ZNF365: variants seen among roughly 807,000 people sequenced by gnomAD.
ZNF365 encodes the protein protein ZNF365.
ZNF365 carries 22 observed loss-of-function variants against 35.0 expected under a neutral mutation model. That is an observed-to-expected ratio of 0.63 (90% CI 0.45 to 0.90). The LOEUF is 0.90. ZNF365 is among the 40% of genes least tolerant of loss of function. ZNF365 has a pLI of 0.00. For synonymous variants in ZNF365, 188 were observed against 196.2 expected (o/e 0.96, Z 0.35); for missense variants, 448 against 500.3 (o/e 0.90, Z 1.00).
intron 3 of ZNF365, among the ~76,000 whole-genome samples, chr10:62,446,498 A>G (rs961333503): frequency 6.6e-6 from 1 of 152,248 alleles, no homozygotes; most frequent in African/African-American, 2.4e-5. Flanking sequence ...TTCTGGATAC[A>G]TGCTAGCTGA....
At chr10:62,409,688 A>G (rs1268810765) in intron 3 of ZNF365, among the ~76,000 whole-genome samples, 3 of 152,134 alleles carry the variant, frequency 2.0e-5, no homozygotes, top group African/African-American at 7.2e-5. Flanking sequence ...CAGAATAATC[A>G]GTTTGGCTCA....
Position 62,376,186 on chromosome 10 carries a change from T to C in ZNF365, c.-8T>C. The C allele has an allele frequency of 6.2e-7, 1 of 1,613,806 alleles. No individual in the cohort carries two copies. The highest frequency in any genetic ancestry group is 8.5e-7 in the Non-Finnish European group (1 of 1,179,858). On this transcript the variant is annotated 5_prime_UTR_variant, in exon 2 of 5. Coordinates refer to ENST00000395254, the MANE Select transcript of ZNF365 (RefSeq NM_014951.3). ...ACCTATTTCCCCCCTCCCAGGACTT[T>C]TAGAGTAATGCAACAGAAGGCTTTT...
At chr10:62,434,226 G>A (rs1228064337) in intron 3 of ZNF365, among the ~76,000 whole-genome samples, 1 of 152,160 alleles carries the variant, frequency 6.6e-6, no homozygotes, top group Non-Finnish European at 1.5e-5. Flanking sequence ...TAATCAGTAA[G>A]ATATGCTTCG....
At chr10:62,389,751 G>A (rs1839594034) in intron 3 of ZNF365, among the ~76,000 whole-genome samples, 1 of 152,218 alleles carries the variant, frequency 6.6e-6, no homozygotes, top group Non-Finnish European at 1.5e-5. Context: ...CTTGGCCTTA[G>A]CGCAGCTCAG....
At chr10:62,448,437 C>G (rs1840625401) in intron 3 of ZNF365, among the ~76,000 whole-genome samples, 1 of 152,136 alleles carries the variant, frequency 6.6e-6, no homozygotes, top group South Asian at 2.1e-4. Context: ...AATGTGGAGG[C>G]AGAGCTGAGA....
At chr10:62,420,307 G>A (rs186102303) in intron 3 of ZNF365, among the ~76,000 whole-genome samples, 1 of 152,264 alleles carries the variant, frequency 6.6e-6, no homozygotes, top group Admixed American at 6.5e-5. Flanking sequence ...GAACATGCTT[G>A]TAAAAACATT....
At chr10:62,444,062 A>G (rs372624844) in intron 3 of ZNF365, among the ~76,000 whole-genome samples, 22 of 152,178 alleles carry the variant, frequency 1.4e-4, no homozygotes, top group African/African-American at 4.8e-4. Flanking sequence ...CTGCTCTTAG[A>G]CTTGGCATCT....
chr10:62,437,571 C>CA (rs750395617), intron 3 of ZNF365, among the ~76,000 whole-genome samples: 9 of 152,186 alleles, frequency 5.9e-5, no homozygotes, highest in Non-Finnish European at 1.2e-4. Context: ...ATTTACATCT[C>CA]ATGTTATGTT....
intron 3 of ZNF365, among the ~76,000 whole-genome samples, chr10:62,408,404 G>T (rs1188712454): frequency 6.6e-6 from 1 of 152,116 alleles, no homozygotes; most frequent in Non-Finnish European, 1.5e-5. Flanking sequence ...CTATCTAATA[G>T]AAACAGATAG....
At chr10:62,454,984 T>C (rs1840740019) in intron 3 of ZNF365, among the ~76,000 whole-genome samples, 2 of 152,064 alleles carry the variant, frequency 1.3e-5, no homozygotes, top group Non-Finnish European at 2.9e-5. Context: ...GGAGAAGGGG[T>C]AGAAGAATGT....
At chr10:62,454,496 G>C (rs985954354) in intron 3 of ZNF365, among the ~76,000 whole-genome samples, 10 of 152,104 alleles carry the variant, frequency 6.6e-5, no homozygotes, top group African/African-American at 2.4e-4. Flanking sequence ...ATTTATTTTG[G>C]TCTAAAATGC....
At chr10:62,418,349 G>A (rs1216914949) in intron 3 of ZNF365, among the ~76,000 whole-genome samples, 3 of 151,954 alleles carry the variant, frequency 2.0e-5, no homozygotes, top group African/African-American at 4.8e-5. Flanking sequence ...ATAAAAACAG[G>A]TTTGGAGTTT....
rs1304441605 is a variant in ZNF365, at chr10:62,376,372, C to A, written c.179C>A (p.Thr60Lys). Residue 60 changes from threonine to lysine, a missense_variant, in exon 2 of 5, where the codon ACA becomes AAA. Physicochemically the swap from Thr to Lys is moderately conservative, Grantham distance 78 (BLOSUM62 -1). Coordinates refer to ENST00000395254, the MANE Select transcript of ZNF365 (RefSeq NM_014951.3). ...AGCTACGAAGAAAGAACCCTCTTGA[C>A]AAAATGCAGTCTCTTTCCATCCCTC... ...SHSYEERTLLTKCSLFPSLKD... is the reference protein window; with the variant it reads ...SHSYEERTLLKKCSLFPSLKD... The A allele has an allele frequency of 6.2e-7, 1 of 1,613,986 alleles. No homozygotes were observed. Among genetic ancestry groups the A allele is most frequent in the Non-Finnish European group, 8.5e-7 (1 of 1,179,980 alleles).
chr10:62,416,160 G>A (rs1840071020), intron 3 of ZNF365, among the ~76,000 whole-genome samples: 2 of 151,662 alleles, frequency 1.3e-5, no homozygotes, highest in Admixed American at 6.6e-5. Context: ...TCTGAGCTGT[G>A]CAAATCTCTT....
At chr10:62,397,178 G>A (rs1839742407) in intron 3 of ZNF365, among the ~76,000 whole-genome samples, 1 of 152,164 alleles carries the variant, frequency 6.6e-6, no homozygotes, top group Admixed American at 6.5e-5. Flanking sequence ...GCCAAACCTA[G>A]CCTGCATGAG....
At chr10:62,434,401 G>A (rs531279317) in intron 3 of ZNF365, among the ~76,000 whole-genome samples, 1 of 152,192 alleles carries the variant, frequency 6.6e-6, no homozygotes, top group South Asian at 2.1e-4. Flanking sequence ...AAACGTTTGT[G>A]GGTATACTTA....
chr10:62,398,698 C>T (rs1446460626), intron 3 of ZNF365, 42 bp from the exon 4 acceptor site: 38 of 1,588,512 alleles, frequency 2.4e-5, no homozygotes, highest in Non-Finnish European at 3.1e-5. Flanking sequence ...AAATCCAGTC[C>T]TCAAATGCAG....
intron 4 of ZNF365, among the ~76,000 whole-genome samples, chr10:62,468,712 T>G (rs1840984595): frequency 6.6e-6 from 1 of 152,210 alleles, no homozygotes; most frequent in African/African-American, 2.4e-5. Context: ...CACATCAATT[T>G]GTGAGGAAAA....
intron 3 of ZNF365, among the ~76,000 whole-genome samples, chr10:62,424,723 C>A (rs144792828): frequency 8.2e-4 from 125 of 152,268 alleles, no homozygotes; most frequent in African/African-American, 2.8e-3. Flanking sequence ...TACTGGTAGC[C>A]AAGATGCTTT....
Sources: allele counts gnomAD v4.1 joint callset (sites outside exome capture counted in the v4.1 genomes callset), GRCh38; gene constraint gnomAD v4.1.1; transcripts MANE v1.5; gene names NCBI Gene and HGNC (gene_info 2026-07-23, HGNC 2026-07-21).